Variants in DGKI observed in about 807,000 individuals in gnomAD.
The protein encoded by DGKI is diacylglycerol kinase iota.
In DGKI, 55 loss-of-function variants were observed where a neutral mutation model predicts 147.5. The ratio of observed to expected loss-of-function variants is 0.37; its 90% CI spans 0.30 to 0.47. The LOEUF (loss-of-function observed/expected upper bound fraction) is 0.47. Among genes scored for constraint, DGKI ranks in the 20% least tolerant of loss-of-function variants. DGKI has a pLI of 1.00. For missense variants in DGKI, 1,007 were observed against 1,323.8 expected (o/e 0.76, Z 3.71); for synonymous variants, 469 against 477.1 (o/e 0.98, Z 0.22).
At chr7:137,469,170 T>C (rs891833160) in intron 24 of DGKI, among the ~76,000 whole-genome samples, 5 of 152,206 alleles carry the variant, frequency 3.3e-5, no homozygotes, top group African/African-American at 9.6e-5. Context: ...AAAAATAATA[T>C]GAATGTTCCA....
chr7:137,704,432 G>A (rs899377623), intron 1 of DGKI, among the ~76,000 whole-genome samples: 1 of 152,086 alleles, frequency 6.6e-6, no homozygotes, highest in Non-Finnish European at 1.5e-5. Flanking sequence ...GAATCAGTGA[G>A]CTTGAAGATA....
rs1164221520 is a variant in DGKI, at chr7:137,618,127, C to CTATATATATATATATA, written c.993+1681_993+1696dup. Among the ~76,000 whole-genome samples, 7 of 16,194 alleles carry CTATATATATATATATA rather than the reference C, an allele frequency of 4.3e-4. 1 individual carries two copies. The highest frequency in any genetic ancestry group is 0.011 in the East Asian group (2 of 188). The allele number at this position is 16,194 out of a possible 152,430, so 10.6% of individuals were successfully genotyped here. A position where few individuals can be genotyped will look rare whatever the true frequency, so the allele number is the denominator to read the frequency against. On this transcript the variant is annotated intron_variant, in intron 8 of 32. Transcript: ENST00000614521. ...TTGCTACTTGTTTCTTTCTAAAATACTATATATATATATATATATATATAT... is the reference window on the plus strand; with the variant it reads ...TTGCTACTTGTTTCTTTCTAAAATACTATATATATATATATATATATATATATATATATATATATAT...
intron 1 of DGKI, among the ~76,000 whole-genome samples, chr7:137,844,899 C>T (rs1011280312): frequency 6.6e-6 from 1 of 152,156 alleles, no homozygotes; most frequent in Non-Finnish European, 1.5e-5. Context: ...ATCACCACCC[C>T]CTTCCAACTC....
chr7:137,645,626 G>T, intron 5 of DGKI, 89 bp from the exon 6 acceptor site: 1 of 1,201,964 alleles, frequency 8.3e-7, no homozygotes, highest in Non-Finnish European at 1.2e-6. Flanking sequence ...GAGTGCAGTG[G>T]TATAATCATA....
intron 22 of DGKI, among the ~76,000 whole-genome samples, chr7:137,487,005 CCAA>C (rs1263060120): frequency 6.6e-6 from 1 of 152,056 alleles, no homozygotes; most frequent in Non-Finnish European, 1.5e-5. Flanking sequence ...GCAAAAACAA[CCAA>C]CAACAATTGT....
intron 30 of DGKI, among the ~76,000 whole-genome samples, chr7:137,403,093 C>T (rs1431537510): frequency 2.0e-5 from 3 of 151,830 alleles, no homozygotes; most frequent in East Asian, 2.0e-4. Flanking sequence ...GGGGAGGGAG[C>T]GGGCAGAAAA....
intron 2 of DGKI, among the ~76,000 whole-genome samples, chr7:137,681,396 C>T (rs552922062): frequency 7.9e-5 from 12 of 152,236 alleles, no homozygotes; most frequent in African/African-American, 2.9e-4. Context: ...TGGATGATGA[C>T]AACACTTTAA....
At chr7:137,676,849 A>G (rs543613979) in intron 3 of DGKI, among the ~76,000 whole-genome samples, 22 of 152,226 alleles carry the variant, frequency 1.4e-4, no homozygotes, top group Non-Finnish European at 2.1e-4. Context: ...ATCTGTTCAT[A>G]TATTTGTCAA....
chr7:137,731,015 A>G (rs1794866253), intron 1 of DGKI, among the ~76,000 whole-genome samples: 1 of 152,072 alleles, frequency 6.6e-6, no homozygotes, highest in Admixed American at 6.6e-5. Flanking sequence ...CAAAAGCTCT[A>G]AAGAATCCTA....
chr7:137,536,495 G>A (rs559724243), intron 20 of DGKI, among the ~76,000 whole-genome samples: 3 of 152,220 alleles, frequency 2.0e-5, no homozygotes, highest in South Asian at 2.1e-4. Flanking sequence ...CAAGGACAAC[G>A]CTGTCTTGTC....
intron 28 of DGKI, among the ~76,000 whole-genome samples, chr7:137,413,735 A>T (rs572068245): frequency 6.6e-6 from 1 of 152,338 alleles, no homozygotes; most frequent in Non-Finnish European, 1.5e-5. Context: ...AATAGTACTA[A>T]GATGAACAGT....
chr7:137,770,538 T>TAATAAAATA (rs1563190035), intron 1 of DGKI, among the ~76,000 whole-genome samples: 2 of 102,390 alleles, frequency 2.0e-5, no homozygotes, highest in African/African-American at 7.6e-5. Context: ...CAGTGGGTTT[T>TAATAAAATA]TTTTTTTTTT....
At chr7:137,446,661 G>A (rs1391086960) in intron 27 of DGKI, among the ~76,000 whole-genome samples, 1 of 152,124 alleles carries the variant, frequency 6.6e-6, no homozygotes, top group East Asian at 1.9e-4. Flanking sequence ...GGGAGGCAGA[G>A]GTTGCAGTGA....
chr7:137,711,148 C>G (rs548400275), intron 1 of DGKI, among the ~76,000 whole-genome samples: 1 of 152,240 alleles, frequency 6.6e-6, no homozygotes, highest in Admixed American at 6.5e-5. Context: ...AGCTTACATA[C>G]TGTCACAAGG....
At chr7:137,728,233 A>G (rs1287802873) in intron 1 of DGKI, among the ~76,000 whole-genome samples, 1 of 152,138 alleles carries the variant, frequency 6.6e-6, no homozygotes, top group Non-Finnish European at 1.5e-5. Context: ...TGGTAACGTC[A>G]AAGTCTGCTC....
intron 20 of DGKI, among the ~76,000 whole-genome samples, chr7:137,541,609 T>G (rs1462393974): frequency 6.6e-6 from 1 of 152,204 alleles, no homozygotes; most frequent in East Asian, 1.9e-4. Flanking sequence ...GATGACTTTT[T>G]GTATATCCAA....
intron 1 of DGKI, among the ~76,000 whole-genome samples, chr7:137,723,620 A>G (rs2116627839): frequency 6.6e-6 from 1 of 152,014 alleles, no homozygotes; most frequent in East Asian, 1.9e-4. Context: ...GTATACAGTG[A>G]AATCATGACA....
Position 137,769,539 on chromosome 7 carries a change from C to G in DGKI, c.401+76923G>C, listed in dbSNP as rs567795181. 3.3e-5 allele frequency among the ~76,000 whole-genome samples: 5 copies of G among 152,108 alleles called. No homozygotes were observed. The East Asian group carries it at 9.7e-4, about 30-fold the overall frequency. On this transcript the variant is annotated intron_variant, in intron 1 of 32. Coordinates refer to ENST00000614521, the MANE Select transcript of DGKI (RefSeq NM_001321708.2). ...AGAAACTACCATCAGAGTGAACAGG[C>G]AACCTATGAATGGGAGAAAATTTTT... is the stretch of plus-strand genomic sequence containing the variant.
In DGKI at chr7:137,689,887, C is replaced by T; in HGVS notation, c.510+7G>A. On this transcript the variant is annotated splice_region_variant and intron_variant, in intron 2 of 32. Coordinates refer to ENST00000614521, the MANE Select transcript of DGKI (RefSeq NM_001321708.2). The stretch of plus-strand genomic sequence containing the variant: ...AGTGATGTTTAAATGAAAAGGCCAA[C>T]ACCTACACTCCAGTCCAAAGTCGCT... 6.5e-7 allele frequency: 1 copy of T among 1,538,786 alleles called. No homozygotes were observed. The highest frequency in any genetic ancestry group is 8.7e-7 in the Non-Finnish European group (1 of 1,143,790).
Sources: gnomAD v4.1 joint callset for allele counts (sites outside exome capture counted in the v4.1 genomes callset) on GRCh38, gnomAD v4.1.1 for gene constraint, MANE v1.5 for transcripts, NCBI Gene and HGNC (gene_info 2026-07-23, HGNC 2026-07-21) for gene names.